PAX7: variants seen among roughly 807,000 people sequenced by gnomAD.
PAX7 encodes the protein paired box protein Pax-7.
In PAX7, 18 loss-of-function variants were observed where a neutral mutation model predicts 50.7. The observed-to-expected ratio is 0.36, with a 90% confidence interval of 0.25 to 0.53. PAX7 has a LOEUF of 0.53. Ranked by LOEUF, PAX7 falls within the 20% of genes least tolerant of loss-of-function variation. The pLI is 0.93. For synonymous variants in PAX7, 310 were observed against 290.4 expected (o/e 1.07, Z -0.69); for missense variants, 644 against 702.9 (o/e 0.92, Z 0.95).
intron 7 of PAX7, among the ~76,000 whole-genome samples, chr1:18,733,349 G>A (rs1228853991): frequency 6.6e-6 from 1 of 152,132 alleles, no homozygotes; most frequent in Non-Finnish European, 1.5e-5. Flanking sequence ...CTAAAGTAGT[G>A]CTAGTGTCCA....
rs866244858 is a variant in PAX7, at chr1:18,634,950, C to T, written c.322-161C>T. Among the ~76,000 whole-genome samples the T allele has an allele frequency of 2.0e-5, 3 of 152,152 alleles. No individual in the cohort carries two copies. Among genetic ancestry groups the T allele is most frequent in the African/African-American group, 4.8e-5 (2 of 41,440 alleles). On this transcript the variant is annotated intron_variant, in intron 2 of 8. Transcript: ENST00000420770. The surrounding 1 kb of genome is among the most constrained non-coding windows in gnomAD (Gnocchi z 4.0). The stretch of plus-strand genomic sequence containing the variant: ...AGCTGCCTTCCTGGGAGCCAGGAAC[C>T]GGTTTCTTGAAAGGATAAAGCCAAT...
At chr1:18,699,839 G>C (rs1025516671) in intron 5 of PAX7, among the ~76,000 whole-genome samples, 5 of 152,158 alleles carry the variant, frequency 3.3e-5, no homozygotes, top group African/African-American at 1.2e-4. Context: ...GGGATTACAG[G>C]TGTGAGCCGC....
At chr1:18,644,741 G>A (rs558560646) in intron 4 of PAX7, among the ~76,000 whole-genome samples, 2 of 152,184 alleles carry the variant, frequency 1.3e-5, no homozygotes, top group South Asian at 4.2e-4. Context: ...AAAACAGAGC[G>A]GAGAGCTTCT....
chr1:18,637,214 A>G (rs1290935556), intron 4 of PAX7, among the ~76,000 whole-genome samples: 2 of 152,098 alleles, frequency 1.3e-5, no homozygotes, highest in African/African-American at 4.8e-5. Flanking sequence ...TTGTTTCTTG[A>G]CGGGAGGAAG....
At position 18,634,862 on chromosome 1, in the gene PAX7, G is replaced by A. The variant is rs1241700468; in HGVS notation, c.322-249G>A. Among the ~76,000 whole-genome samples, 1 of 152,100 alleles carries A rather than the reference G, an allele frequency of 6.6e-6. No individual in the cohort carries two copies. The highest frequency in any genetic ancestry group is 2.1e-4 in the South Asian group (1 of 4,822). ...TGAGATAATGACGGGGACCCTGGGG[G>A]TCCTAATTAGAGTTTTTTATTGCCT... On this transcript the variant is annotated intron_variant, in intron 2 of 8. Coordinates refer to ENST00000420770, the MANE Select transcript of PAX7 (RefSeq NM_001135254.2). The surrounding 1 kb of genome is among the most constrained non-coding windows in gnomAD (Gnocchi z 4.0).
chr1:18,643,546 C>G (rs2088291464), intron 4 of PAX7, among the ~76,000 whole-genome samples: 1 of 152,174 alleles, frequency 6.6e-6, no homozygotes. Context: ...GCAGAATCAC[C>G]GAGAGACTGG....
chr1:18,701,499 T>C (rs1021059645), intron 6 of PAX7, among the ~76,000 whole-genome samples: 1 of 152,072 alleles, frequency 6.6e-6, no homozygotes, highest in Non-Finnish European at 1.5e-5. Flanking sequence ...GTTGGAATCA[T>C]GTTGGAATCA....
chr1:18,640,775 C>A (rs957061813), intron 4 of PAX7, among the ~76,000 whole-genome samples: 2 of 141,738 alleles, frequency 1.4e-5, no homozygotes, highest in Non-Finnish European at 3.0e-5. Flanking sequence ...AGGCAGCGCT[C>A]GGCGGTGGAT....
Position 18,634,384 on chromosome 1 carries a change from GC to G in PAX7, c.169del (p.His57ThrfsTer3). On this transcript the variant is annotated frameshift_variant, in exon 2 of 9. Coordinates refer to ENST00000420770, the MANE Select transcript of PAX7 (RefSeq NM_001135254.2). LOFTEE classifies it high-confidence loss of function. This position sits in a 1 kb window ranked among gnomAD's most constrained non-coding sequence, Gnocchi z 4.0. ...GGGCGACCCCTGCCTAACCACATCC[GC>G]CACAAGATAGTGGAGATGGCCCACC... is the stretch of plus-strand genomic sequence containing the variant. Reference protein sequence around the residue: ...INGRPLPNHIRHKIVEMAHHG... With the variant: ...INGRPLPNHIXHKIVEMAHHG... 1 of 1,614,116 alleles carries G rather than the reference GC, an allele frequency of 6.2e-7. No homozygotes were observed. The highest frequency in any genetic ancestry group is 8.5e-7 in the Non-Finnish European group (1 of 1,180,030).
rs1433033394 is a variant in PAX7 at position 18,631,228 on chromosome 1, TC to T, written c.-371del. The stretch of plus-strand genomic sequence containing the variant: ...CTGGCGGCCTCGATTCCGGCCGCGT[TC>T]CCCCGGCCCCCCTCCGCCGCGGGGC... On this transcript the variant is annotated 5_prime_UTR_variant, in exon 1 of 9. Transcript: ENST00000420770. The T allele has an allele frequency of 3.2e-5, 8 of 247,540 alleles. No homozygotes were observed. The highest frequency in any genetic ancestry group is 6.2e-5 in the Non-Finnish European group (8 of 128,016). 15.3% of individuals were successfully genotyped at this position (247,540 alleles called of 1,614,324 possible).
chr1:18,647,239 G>C (rs2088359894), intron 4 of PAX7, among the ~76,000 whole-genome samples: 1 of 152,196 alleles, frequency 6.6e-6, no homozygotes, highest in African/African-American at 2.4e-5. Flanking sequence ...CGCCACTGCC[G>C]CCTGGGCTGG....
intron 4 of PAX7, among the ~76,000 whole-genome samples, chr1:18,690,756 A>C (rs911181451): frequency 1.3e-5 from 2 of 152,208 alleles, no homozygotes; most frequent in African/African-American, 4.8e-5. Context: ...GGCCTTGACC[A>C]AGGTCATTCA....
intron 3 of PAX7, 51 bp downstream of exon 3, chr1:18,635,291 C>G (rs1397121428): frequency 6.2e-7 from 1 of 1,603,272 alleles, no homozygotes; most frequent in South Asian, 1.1e-5. Flanking sequence ...GGCCAGGGGT[C>G]CAGTGTGGAG....
At chr1:18,657,552 G>A (rs1016629573) in intron 4 of PAX7, among the ~76,000 whole-genome samples, 3 of 152,074 alleles carry the variant, frequency 2.0e-5, no homozygotes, top group Admixed American at 6.5e-5. Flanking sequence ...TTCTTAGCCC[G>A]CACTCTCTGA....
At chr1:18,729,692 G>T (rs2089621245) in intron 7 of PAX7, among the ~76,000 whole-genome samples, 2 of 152,112 alleles carry the variant, frequency 1.3e-5, no homozygotes, top group South Asian at 4.1e-4. Flanking sequence ...GAGTTGTGTG[G>T]ATTCCAGGCC....
At chr1:18,657,108 T>C (rs1209479762) in intron 4 of PAX7, among the ~76,000 whole-genome samples, 1 of 152,176 alleles carries the variant, frequency 6.6e-6, no homozygotes, top group African/African-American at 2.4e-5. Context: ...TTTTTCTTTA[T>C]TTCCCTCCCT....
chr1:18,737,889 G>A (rs186026667), intron 8 of PAX7, among the ~76,000 whole-genome samples: 2 of 152,356 alleles, frequency 1.3e-5, no homozygotes, highest in East Asian at 3.9e-4. Flanking sequence ...CGTGTGTATA[G>A]ATGTATATGA....
chr1:18,725,685 C>A (rs531207732), intron 7 of PAX7, among the ~76,000 whole-genome samples: 2 of 152,202 alleles, frequency 1.3e-5, no homozygotes, highest in African/African-American at 4.8e-5. Context: ...TCTTTTCCAG[C>A]GATCGGCCCC....
At chr1:18,671,976 C>CT (rs1269964416) in intron 4 of PAX7, among the ~76,000 whole-genome samples, 1 of 149,712 alleles carries the variant, frequency 6.7e-6, no homozygotes, top group East Asian at 2.0e-4. Flanking sequence ...GACCCTGTCT[C>CT]TTAAAAAAAA....
Sources: gnomAD v4.1 joint callset for allele counts (sites outside exome capture counted in the v4.1 genomes callset) on GRCh38, gnomAD v4.1.1 for gene constraint, Gnocchi (gnomAD v3.1) non-coding constraint, MANE v1.5 for transcripts, NCBI Gene and HGNC (gene_info 2026-07-23, HGNC 2026-07-21) for gene names.